Variants in CFAP57 observed in about 807,000 individuals in gnomAD.
CFAP57 encodes the protein cilia- and flagella-associated protein 57.
Under a neutral mutation model 146.8 loss-of-function variants are expected in CFAP57, and 116 were observed. The observed-to-expected ratio is 0.79, with a 90% CI of 0.68 to 0.92. The LOEUF is 0.92. CFAP57 is among the 40% of genes least tolerant of loss of function. The pLI is 0.00. For missense variants in CFAP57, 1,377 were observed against 1,527.2 expected, an observed-to-expected ratio of 0.90 and a Z score of 1.64; for synonymous variants, 518 against 552.8, an observed-to-expected ratio of 0.94 and a Z score of 0.88.
At chr1:43,207,421 A>G (rs753936895) in intron 10 of CFAP57, among the ~76,000 whole-genome samples, 1 of 152,218 alleles carries the variant, frequency 6.6e-6, no homozygotes, top group African/African-American at 2.4e-5. Context: ...ATTGCGTCAC[A>G]GTTGCCTACA....
chr1:43,224,629 C>T (rs1557803479), intron 17 of CFAP57, among the ~76,000 whole-genome samples: 1 of 152,198 alleles, frequency 6.6e-6, no homozygotes, highest in African/African-American at 2.4e-5. Flanking sequence ...GAGGGACTCT[C>T]CTGGGATTGA....
In CFAP57 at chr1:43,183,736, C is replaced by G; in HGVS notation, c.620C>G (p.Ala207Gly). 1 of 1,614,208 alleles carries G rather than the reference C, an allele frequency of 6.2e-7. No homozygotes were observed. Among genetic ancestry groups the G allele is most frequent in the Non-Finnish European group, 8.5e-7 (1 of 1,180,050 alleles). The change falls in exon 4 of 23, where the codon GCT becomes GGT. Residue 207 changes from alanine (A) to glycine (G), a missense_variant. Physicochemically the swap from Ala to Gly is moderately conservative, Grantham distance 60 (BLOSUM62 0). Transcript: ENST00000372492. ...PQNYLAHTWV[A>G]DDKIVVGTDT... ...AACTATCTAGCTCACACCTGGGTGG[C>G]TGATGACAAGATTGTCGTTGGCACT...
intron 6 of CFAP57, among the ~76,000 whole-genome samples, chr1:43,193,369 A>G (rs1643664685): frequency 6.6e-6 from 1 of 152,146 alleles, no homozygotes; most frequent in Non-Finnish European, 1.5e-5. Flanking sequence ...TATTACTGGT[A>G]TAGTTGAATT....
chr1:43,177,131 G>A, intron 2 of CFAP57: 1 of 456,274 alleles, frequency 2.2e-6, no homozygotes, highest in South Asian at 1.5e-5. Flanking sequence ...GTTCATTCTG[G>A]CTGCTGTACA....
At chr1:43,176,973 CG>C (rs112484478) in intron 2 of CFAP57, 3 of 370,026 alleles carry the variant, frequency 8.1e-6, no homozygotes, top group Non-Finnish European at 1.6e-5. Context: ...TGGTAAGAAC[CG>C]GGGGGTGAGG....
chr1:43,237,630 G>A (rs948638907), intron 21 of CFAP57, among the ~76,000 whole-genome samples: 1 of 152,202 alleles, frequency 6.6e-6, no homozygotes, highest in Admixed American at 6.5e-5. Context: ...GTGAGTAGAG[G>A]TTGATCGTGG....
rs771906916 is a variant in CFAP57 at position 43,209,708 on chromosome 1, A to G, written c.1756-35A>G. On this transcript the variant is annotated intron_variant, in intron 10 of 22. Transcript: ENST00000372492. ...ACTGGGACGTGGGGGCCACAGCTCG[A>G]CCCCTCACACTGAGCAGAGCTGCCT... The G allele has an allele frequency of 2.5e-6, 4 of 1,595,780 alleles. No homozygotes were observed. The East Asian group carries it at 8.9e-5, about 36-fold the overall frequency.
intron 22 of CFAP57, among the ~76,000 whole-genome samples, chr1:43,249,872 G>C (rs1341170031): frequency 6.6e-6 from 1 of 152,070 alleles, no homozygotes. Context: ...AGTCTCATCT[G>C]TCAAAGAAGG....
Position 43,246,396 on chromosome 1 carries a change from A to C in CFAP57, c.3538+3037A>C, listed in dbSNP as rs776431276. On this transcript the variant is annotated intron_variant, in intron 22 of 22. Coordinates refer to ENST00000372492, the MANE Select transcript of CFAP57 (RefSeq NM_001378189.1). Reference sequence around the variant, plus strand: ...TCAAATAAATGGTCAAGTGATTGTCAACAAGGGTACCAAGATCATTTAGTA... The same window carrying C: ...TCAAATAAATGGTCAAGTGATTGTCCACAAGGGTACCAAGATCATTTAGTA... 6.6e-5 allele frequency among the ~76,000 whole-genome samples: 10 copies of C among 152,226 alleles called. No homozygotes were observed. The East Asian group carries it at 1.9e-3, about 29-fold the overall frequency.
At chr1:43,190,521 C>T (rs922725812) in intron 6 of CFAP57, among the ~76,000 whole-genome samples, 4 of 152,076 alleles carry the variant, frequency 2.6e-5, no homozygotes, top group Non-Finnish European at 5.9e-5. Flanking sequence ...CCGCCTGCCT[C>T]GGCCTCCTAA....
chr1:43,228,365 C>G (rs892947585), intron 18 of CFAP57, among the ~76,000 whole-genome samples: 1 of 152,256 alleles, frequency 6.6e-6, no homozygotes, highest in Non-Finnish European at 1.5e-5. Flanking sequence ...AGCCTATATG[C>G]CTTCCCTGAC....
At chr1:43,173,053 GA>G in intron 2 of CFAP57, 143 bp downstream of exon 2, 1 of 715,638 alleles carries the variant, frequency 1.4e-6, no homozygotes, top group Middle Eastern at 2.7e-4. Flanking sequence ...AATAAATGGC[GA>G]CTTGTATTAT....
In CFAP57 at chr1:43,206,723, C is replaced by T. The variant is rs146401114; in HGVS notation, c.1546C>T (p.Arg516Cys). 2.5e-5 allele frequency: 41 copies of T among 1,613,880 alleles called. No individual in the cohort carries two copies. The highest frequency in any genetic ancestry group is 3.3e-5 in the Non-Finnish European group (39 of 1,179,988). Residue 516 changes from arginine (R) to cysteine (C), a missense_variant, in exon 10 of 23, where the codon CGC becomes TGC. Arg to Cys is a radical substitution (Grantham distance 180, BLOSUM62 -3). Transcript: ENST00000372492. The part of the protein sequence containing the change: ...SSLKGHTGKI[R>C]SIVWNADDSK... The stretch of plus-strand genomic sequence containing the variant: ...GATATGTCTTCCTCTCCTGCAGATT[C>T]GCTCAATTGTGTGGAATGCAGATGA...
intron 22 of CFAP57, among the ~76,000 whole-genome samples, chr1:43,245,100 AG>A (rs1570352115): frequency 1.3e-5 from 2 of 152,266 alleles, no homozygotes; most frequent in East Asian, 3.9e-4. Flanking sequence ...GCTTGTGCCC[AG>A]GGTTCAAGAC....
At chr1:43,222,406 A>G in intron 15 of CFAP57, 111 bp downstream of exon 15, 4 of 1,000,084 alleles carry the variant, frequency 4.0e-6, no homozygotes, top group Non-Finnish European at 4.0e-6. Flanking sequence ...ACACTGGGTC[A>G]GACATGGTTT....
intron 10 of CFAP57, among the ~76,000 whole-genome samples, chr1:43,208,784 AAAGTATAAC>A (rs1184922167): frequency 7.5e-6 from 1 of 133,258 alleles, no homozygotes; most frequent in Non-Finnish European, 1.5e-5. Flanking sequence ...CCTAGAACTT[AAAGTATAAC>A]AATAATAATA....
At chr1:43,213,433 T>C (rs75125899) in intron 11 of CFAP57, among the ~76,000 whole-genome samples, 2,061 of 152,052 alleles carry the variant, frequency 0.014, 49 homozygotes, top group African/African-American at 0.047. Context: ...CCACATTTTC[T>C]TTATTCATTC....
intron 22 of CFAP57, among the ~76,000 whole-genome samples, chr1:43,248,349 G>A (rs1359533257): frequency 6.8e-5 from 9 of 133,094 alleles, no homozygotes; most frequent in South Asian, 4.7e-4. Flanking sequence ...ACAGAGTCTC[G>A]CTCTGTCGCC....
Position 43,243,350 on chromosome 1 carries a change from T to A in CFAP57, c.3529T>A (p.Ser1177Thr). Residue 1177 changes from serine (S) to threonine (T), a missense_variant, in exon 22 of 23, where the codon TCA becomes ACA. Coordinates refer to ENST00000372492, the MANE Select transcript of CFAP57 (RefSeq NM_001378189.1). ...CAAGAAAGTCCGACCACAAGAAGTT[T>A]CAGAGACAGGTAATATCACCAGTGG... ...LTKKVRPQEV[S>T]ETEPSRDMLS... 4.6e-6 allele frequency: 7 copies of A among 1,536,726 alleles called. No homozygotes were observed. Among genetic ancestry groups the A allele is most frequent in the Non-Finnish European group, 6.1e-6 (7 of 1,138,888 alleles).
Sources: allele counts gnomAD v4.1 joint callset (sites outside exome capture counted in the v4.1 genomes callset), GRCh38; gene constraint gnomAD v4.1.1; transcripts MANE v1.5; gene names NCBI Gene and HGNC (gene_info 2026-07-23, HGNC 2026-07-21).